The following PRKG1 variants were observed in gnomAD, a reference collection of about 807,000 sequenced individuals.
PRKG1 encodes protein kinase cGMP-dependent 1.
A neutral mutation model predicts 88.1 loss-of-function variants in PRKG1; 35 were observed. The observed-to-expected ratio is 0.40, with a 90% CI of 0.30 to 0.53. The LOEUF (loss-of-function observed/expected upper bound fraction) is 0.53. PRKG1 is among the 20% of genes least tolerant of loss of function. PRKG1 has a pLI of 0.59. For synonymous variants in PRKG1, 303 were observed against 292.5 expected (o/e 1.04, Z -0.37); for missense variants, 540 against 839.8 (o/e 0.64, Z 4.41).
chr10:51,238,817 G>A (rs1227648783), intron 2 of PRKG1, among the ~76,000 whole-genome samples: 3 of 150,756 alleles, frequency 2.0e-5, no homozygotes, highest in Non-Finnish European at 4.4e-5. Flanking sequence ...TTCACATTTA[G>A]AATATAAAGA....
intron 3 of PRKG1, among the ~76,000 whole-genome samples, chr10:51,796,074 G>T (rs969697965): frequency 3.3e-5 from 5 of 152,034 alleles, no homozygotes; most frequent in Non-Finnish European, 7.4e-5. Flanking sequence ...ATTTGCCAAA[G>T]AATTATAAGA....
intron 3 of PRKG1, among the ~76,000 whole-genome samples, chr10:51,569,511 T>C (rs1490039983): frequency 6.6e-6 from 1 of 152,076 alleles, no homozygotes; most frequent in East Asian, 1.9e-4. Context: ...TTTTGTAAAA[T>C]GCTTTGTGTA....
intron 1 of PRKG1, among the ~76,000 whole-genome samples, chr10:51,139,913 T>C (rs1322829649): frequency 6.6e-6 from 1 of 152,228 alleles, no homozygotes; most frequent in Non-Finnish European, 1.5e-5. Context: ...GCTTTTCATT[T>C]CACTAAGAAT....
chr10:52,080,029 C>T (rs1011605329), intron 7 of PRKG1, among the ~76,000 whole-genome samples: 1 of 152,246 alleles, frequency 6.6e-6, no homozygotes, highest in Non-Finnish European at 1.5e-5. Flanking sequence ...TAAATAAACA[C>T]CAAATTTATT....
intron 3 of PRKG1, among the ~76,000 whole-genome samples, chr10:51,563,951 ACTT>A (rs1197423080): frequency 2.6e-5 from 4 of 152,108 alleles, no homozygotes; most frequent in Admixed American, 6.6e-5. Flanking sequence ...AAAAGAACTA[ACTT>A]CTTCTGTTAA....
chr10:52,208,753 C>T (rs996255161), intron 9 of PRKG1, among the ~76,000 whole-genome samples: 3 of 152,134 alleles, frequency 2.0e-5, no homozygotes, highest in Admixed American at 2.0e-4. Context: ...TCCATTTGGT[C>T]ATGAAATATT....
chr10:51,771,014 C>G (rs1225255808), intron 3 of PRKG1, among the ~76,000 whole-genome samples: 1 of 152,130 alleles, frequency 6.6e-6, no homozygotes, highest in Non-Finnish European at 1.5e-5. Flanking sequence ...TTTATGGATA[C>G]AGCTGATGGC....
chr10:51,017,063 C>T (rs1220272403), intron 1 of PRKG1, among the ~76,000 whole-genome samples: 2 of 151,798 alleles, frequency 1.3e-5, no homozygotes, highest in Non-Finnish European at 2.9e-5. Flanking sequence ...TGAGAGTTCA[C>T]TCTCTTCATG....
chr10:51,709,126 C>T (rs1841680423), intron 3 of PRKG1, among the ~76,000 whole-genome samples: 1 of 152,130 alleles, frequency 6.6e-6, no homozygotes, highest in Non-Finnish European at 1.5e-5. Context: ...AAAAATAGAT[C>T]ATTTTCTTAG....
chr10:52,055,220 T>A (rs745341981), intron 6 of PRKG1, among the ~76,000 whole-genome samples: 1 of 152,224 alleles, frequency 6.6e-6, no homozygotes, highest in East Asian at 1.9e-4. Context: ...ATGAAACATC[T>A]GGGCTTTGAA....
rs574148360 is a variant in PRKG1, at chr10:52,225,908, A to G, written c.1077-25662A>G. ...ACTGTGGCCTTATAATGTAGTTTGAAATCAGGCCTAGTACCACTTTCTTGC... is the reference window on the plus strand; with the variant it reads ...ACTGTGGCCTTATAATGTAGTTTGAGATCAGGCCTAGTACCACTTTCTTGC... On this transcript the variant is annotated intron_variant, in intron 9 of 17. Coordinates refer to ENST00000373980, the MANE Select transcript of PRKG1 (RefSeq NM_006258.4). 3.3e-5 allele frequency among the ~76,000 whole-genome samples: 5 copies of G among 152,158 alleles called. No homozygotes were observed. The South Asian group carries it at 1.0e-3, about 32-fold the overall frequency.
intron 2 of PRKG1, among the ~76,000 whole-genome samples, chr10:51,156,314 A>ACACACACACACACACAC (rs60689292): frequency 0.046 from 6,731 of 147,012 alleles, 344 homozygotes; most frequent in African/African-American, 0.11. Context: ...CACACACACA[A>ACACACACACACACACAC]ACACACACAC....
At chr10:52,289,226 C>T (rs960365467) in intron 16 of PRKG1, among the ~76,000 whole-genome samples, 8 of 152,048 alleles carry the variant, frequency 5.3e-5, no homozygotes, top group African/African-American at 1.9e-4. Context: ...CAACTCATAC[C>T]AACTAGCATT....
chr10:51,541,275 C>A (rs1004123254), intron 3 of PRKG1, among the ~76,000 whole-genome samples: 5 of 152,178 alleles, frequency 3.3e-5, no homozygotes, highest in Non-Finnish European at 7.3e-5. Context: ...CACTGCTGAT[C>A]TGACAGGAGG....
At chr10:51,151,391 A>G (rs1485087574) in intron 1 of PRKG1, among the ~76,000 whole-genome samples, 1 of 151,990 alleles carries the variant, frequency 6.6e-6, no homozygotes, top group Non-Finnish European at 1.5e-5. Context: ...TGAAAGTAAC[A>G]TTTTATTCCT....
chr10:51,962,069 A>C (rs1843460856), intron 5 of PRKG1, among the ~76,000 whole-genome samples: 1 of 152,200 alleles, frequency 6.6e-6, no homozygotes, highest in Non-Finnish European at 1.5e-5. Flanking sequence ...AAATCTATCC[A>C]CCAAGGAGAG....
intron 9 of PRKG1, among the ~76,000 whole-genome samples, chr10:52,167,520 C>A (rs1589667125): frequency 6.6e-6 from 1 of 151,878 alleles, no homozygotes; most frequent in East Asian, 1.9e-4. Flanking sequence ...TTAATAGTAG[C>A]TGACAACCCA....
intron 5 of PRKG1, among the ~76,000 whole-genome samples, chr10:51,930,069 A>G (rs1180783922): frequency 2.0e-5 from 3 of 151,984 alleles, no homozygotes; most frequent in Non-Finnish European, 4.4e-5. Context: ...ATGTGGTGGT[A>G]TGTCAGAATT....
intron 4 of PRKG1, among the ~76,000 whole-genome samples, chr10:51,842,689 A>G (rs575618703): frequency 6.6e-6 from 1 of 152,288 alleles, no homozygotes; most frequent in African/African-American, 2.4e-5. Context: ...TGCATACTAT[A>G]TGTGTATATG....
Sources: gnomAD v4.1 joint callset for allele counts (sites outside exome capture counted in the v4.1 genomes callset) on GRCh38, gnomAD v4.1.1 for gene constraint, MANE v1.5 for transcripts, NCBI Gene and HGNC (gene_info 2026-07-23, HGNC 2026-07-21) for gene names.